The following HS3ST4 variants were observed in gnomAD, a reference collection of about 807,000 sequenced individuals.
The protein encoded by HS3ST4 is heparan sulfate-glucosamine 3-sulfotransferase 4.
A neutral mutation model predicts 29.2 loss-of-function variants in HS3ST4; 17 were observed. That is an observed-to-expected ratio of 0.58 (90% CI 0.40 to 0.87). The LOEUF (loss-of-function observed/expected upper bound fraction) is 0.87, where lower values mean the gene tolerates loss of function less well. Among genes scored for constraint, HS3ST4 ranks in the 40% least tolerant of loss-of-function variants. HS3ST4 has a pLI of 0.00. For missense variants in HS3ST4, 627 were observed against 634.5 expected, an observed-to-expected ratio of 0.99 and a Z score of 0.13; for synonymous variants, 314 against 285.7, an observed-to-expected ratio of 1.10 and a Z score of -1.00.
chr16:25,730,887 C>T (rs1239460431), intron 1 of HS3ST4, among the ~76,000 whole-genome samples: 1 of 152,090 alleles, frequency 6.6e-6, no homozygotes, highest in African/African-American at 2.4e-5. Context: ...GAAGGACTCA[C>T]AGAACGCAGA....
chr16:26,136,087 A>C lies in HS3ST4; in HGVS notation c.1210A>C (p.Ser404Arg). ...FPCLKKPEDS[S>R]APRCLGKSKG... ...TTGCCTAAAGAAGCCAGAAGACAGCAGTGCCCCGAGGTGCTTAGGCAAGAG... is the reference window on the plus strand; with the variant it reads ...TTGCCTAAAGAAGCCAGAAGACAGCCGTGCCCCGAGGTGCTTAGGCAAGAG... The change falls in exon 2 of 2, where the codon AGT becomes CGT. Residue 404 changes from serine (S) to arginine (R), a missense_variant. Physicochemically the swap from Ser to Arg is moderately radical, Grantham distance 110. Around this residue, in one of 2 missense-constraint regions of HS3ST4, gnomAD observed 225 missense variants for 293.7 expected, o/e 0.77. Coordinates refer to ENST00000331351, the MANE Select transcript of HS3ST4 (RefSeq NM_006040.3). 1 of 1,613,846 alleles carries C rather than the reference A, an allele frequency of 6.2e-7. No individual in the cohort carries two copies. Among genetic ancestry groups the C allele is most frequent in the Non-Finnish European group, 8.5e-7 (1 of 1,179,816 alleles).
At position 26,047,366 on chromosome 16, in the gene HS3ST4, AT is replaced by A. The variant is rs1027164285; in HGVS notation, c.735-88239del. On this transcript the variant is annotated intron_variant, in intron 1 of 1. Coordinates refer to ENST00000331351, the MANE Select transcript of HS3ST4 (RefSeq NM_006040.3). ...GAGGGCCCAGAAGATTTCGATCAAT[AT>A]TTTTTTGTTCCCAAGACTGTAGCAA... Among the ~76,000 whole-genome samples, 5 of 152,192 alleles carry A rather than the reference AT, an allele frequency of 3.3e-5. No individual in the cohort carries two copies. In the South Asian group the frequency reaches 1.0e-3, roughly 32 times the overall value.
At chr16:26,038,358 C>T (rs537591764) in intron 1 of HS3ST4, among the ~76,000 whole-genome samples, 3 of 145,998 alleles carry the variant, frequency 2.1e-5, no homozygotes, top group African/African-American at 5.2e-5. Flanking sequence ...TGTCATCACA[C>T]GGTGCATTTA....
intron 1 of HS3ST4, among the ~76,000 whole-genome samples, chr16:26,004,711 T>TA (rs1400771158): frequency 6.6e-6 from 1 of 152,184 alleles, no homozygotes; most frequent in Non-Finnish European, 1.5e-5. Flanking sequence ...TGGGGAAACT[T>TA]AAATCATTTT....
At chr16:25,981,551 T>C (rs756355966) in intron 1 of HS3ST4, among the ~76,000 whole-genome samples, 7 of 151,528 alleles carry the variant, frequency 4.6e-5, no homozygotes, top group Non-Finnish European at 5.9e-5. Context: ...GGCTAGATTA[T>C]TAATCACACC....
At chr16:25,878,086 G>C (rs1967851710) in intron 1 of HS3ST4, among the ~76,000 whole-genome samples, 1 of 152,144 alleles carries the variant, frequency 6.6e-6, no homozygotes. Context: ...CTAAACTCAT[G>C]TCCTAGATCC....
At chr16:25,917,313 A>G (rs928981066) in intron 1 of HS3ST4, among the ~76,000 whole-genome samples, 5 of 151,850 alleles carry the variant, frequency 3.3e-5, no homozygotes, top group Admixed American at 2.6e-4. Context: ...CCCAGGTTCA[A>G]GCGATTCTCC....
At chr16:25,958,623 G>T (rs570649861) in intron 1 of HS3ST4, among the ~76,000 whole-genome samples, 1 of 152,166 alleles carries the variant, frequency 6.6e-6, no homozygotes. Flanking sequence ...GAGCCACTGC[G>T]CCTGGCCAGA....
At chr16:26,071,989 G>A (rs1274949135) in intron 1 of HS3ST4, among the ~76,000 whole-genome samples, 1 of 152,126 alleles carries the variant, frequency 6.6e-6, no homozygotes, top group Non-Finnish European at 1.5e-5. Flanking sequence ...CCTCCGATGG[G>A]CCCTTCACAT....
chr16:26,075,985 C>T (rs565016711), intron 1 of HS3ST4, among the ~76,000 whole-genome samples: 36 of 152,110 alleles, frequency 2.4e-4, no homozygotes, highest in Non-Finnish European at 5.1e-4. Context: ...TCCATTTCTC[C>T]ATCAATGACA....
At chr16:25,703,720 G>A (rs1966352477) in intron 1 of HS3ST4, among the ~76,000 whole-genome samples, 1 of 152,124 alleles carries the variant, frequency 6.6e-6, no homozygotes, top group Admixed American at 6.5e-5. Flanking sequence ...TCTGTTCAGG[G>A]ACTATGCCAA....
chr16:25,694,527 TC>T (rs1892253816), intron 1 of HS3ST4, among the ~76,000 whole-genome samples: 1 of 152,158 alleles, frequency 6.6e-6, no homozygotes, highest in South Asian at 2.1e-4. Context: ...AACAGCCCCT[TC>T]CTATCAAAAC....
chr16:26,037,515 G>T (rs1239925081), intron 1 of HS3ST4, among the ~76,000 whole-genome samples: 3 of 152,186 alleles, frequency 2.0e-5, no homozygotes, highest in African/African-American at 4.8e-5. Flanking sequence ...GGCAGACAGA[G>T]GGTTGGGATT....
At position 25,884,117 on chromosome 16, in the gene HS3ST4, GA is replaced by G. The variant is rs955187515; in HGVS notation, c.734+190978del. On this transcript the variant is annotated intron_variant, in intron 1 of 1. Transcript: ENST00000331351. ...GACAAGAGCGAGACTCTGTCTCAAAGAAAAAAAAAAAAGAATCCAACCTAGT... is the reference window on the plus strand; with the variant it reads ...GACAAGAGCGAGACTCTGTCTCAAAGAAAAAAAAAAAGAATCCAACCTAGT... Among the ~76,000 whole-genome samples, 555 of 136,432 alleles carry G rather than the reference GA, an allele frequency of 4.1e-3. 1 individual carries two copies. Among genetic ancestry groups the G allele is most frequent in the African/African-American group, 8.6e-3 (320 of 37,148 alleles). The allele number at this position is 136,432 out of a possible 152,430, so 89.5% of individuals were successfully genotyped here. A position where few individuals can be genotyped will look rare whatever the true frequency, so the allele number is the denominator to read the frequency against.
chr16:25,785,739 G>A (rs1192709074), intron 1 of HS3ST4, among the ~76,000 whole-genome samples: 1 of 152,126 alleles, frequency 6.6e-6, no homozygotes, highest in Non-Finnish European at 1.5e-5. Context: ...TGTGATTAGA[G>A]GGACCTTACA....
chr16:25,928,035 CAAAAAAA>C (rs767016845), intron 1 of HS3ST4, among the ~76,000 whole-genome samples: 2 of 50,924 alleles, frequency 3.9e-5, no homozygotes, highest in Admixed American at 4.8e-4. Context: ...CCCATCTCGA[CAAAAAAA>C]AAAAAAAAAA....
Position 25,924,193 on chromosome 16 carries a change from T to C in HS3ST4, c.735-211419T>C, listed in dbSNP as rs370763201. Reference sequence around the variant, plus strand: ...TTCAGTCCAAATTCTGAGATTCATCTTGGAGCTGCTTGTTTCTTTATTCTG... The same window carrying C: ...TTCAGTCCAAATTCTGAGATTCATCCTGGAGCTGCTTGTTTCTTTATTCTG... On this transcript the variant is annotated intron_variant, in intron 1 of 1. Coordinates refer to ENST00000331351, the MANE Select transcript of HS3ST4 (RefSeq NM_006040.3). Among the ~76,000 whole-genome samples the C allele has an allele frequency of 1.1e-4, 17 of 152,334 alleles. No individual in the cohort carries two copies. In the East Asian group the frequency reaches 3.3e-3, roughly 29 times the overall value.
At chr16:25,708,340 A>G (rs1169714038) in intron 1 of HS3ST4, among the ~76,000 whole-genome samples, 3 of 152,196 alleles carry the variant, frequency 2.0e-5, no homozygotes, top group East Asian at 3.8e-4. Context: ...TCAGTAAACA[A>G]TAAGCAAGTA....
chr16:26,045,796 T>C (rs144415627), intron 1 of HS3ST4, among the ~76,000 whole-genome samples: 1 of 152,344 alleles, frequency 6.6e-6, no homozygotes, highest in African/African-American at 2.4e-5. Context: ...CTCTCTCACA[T>C]GGATTATATT....
Sources: allele counts gnomAD v4.1 joint callset (sites outside exome capture counted in the v4.1 genomes callset), GRCh38; gene constraint gnomAD v4.1.1; regional missense constraint gnomAD v4.1.1; transcripts MANE v1.5; gene names NCBI Gene and HGNC (gene_info 2026-07-23, HGNC 2026-07-21).